PRORP: variants seen among roughly 807,000 people sequenced by gnomAD.
PRORP encodes the protein mitochondrial ribonuclease P catalytic subunit.
Under a neutral mutation model 59.4 loss-of-function variants are expected in PRORP, and 51 were observed. That is an observed-to-expected ratio of 0.86 (90% CI 0.69 to 1.08). The LOEUF is 1.08. Among genes scored for constraint, PRORP ranks in the 50% least tolerant of loss-of-function variants. The pLI is 0.00. For missense variants in PRORP, 646 were observed against 690.3 expected (o/e 0.94, Z 0.72); for synonymous variants, 231 against 245.6 (o/e 0.94, Z 0.55).
intron 5 of PRORP, among the ~76,000 whole-genome samples, chr14:35,234,632 A>G (rs1321807433): frequency 6.8e-6 from 1 of 147,756 alleles, no homozygotes; most frequent in Non-Finnish European, 1.5e-5. Context: ...TTCAAATGTG[A>G]TTAACTCTCT....
At chr14:35,257,998 AGCTCAGGAACT>A (rs2050801640) in intron 5 of PRORP, among the ~76,000 whole-genome samples, 1 of 152,092 alleles carries the variant, frequency 6.6e-6, no homozygotes, top group South Asian at 2.1e-4. Flanking sequence ...TTTTACCCTA[AGCTCAGGAACT>A]ACTTTTCATC....
chr14:35,270,956 G>A (rs1319576322), intron 7 of PRORP, among the ~76,000 whole-genome samples: 2 of 151,362 alleles, frequency 1.3e-5, no homozygotes, highest in Admixed American at 6.6e-5. Flanking sequence ...GCGTGGTGGC[G>A]GGTGCCTGTA....
chr14:35,121,979 G>A, upstream of PRORP: 1 of 1,614,096 alleles, frequency 6.2e-7, no homozygotes, highest in Non-Finnish European at 8.5e-7. Flanking sequence ...CCGCGCAGCA[G>A]CTTCTGCATT....
intron 5 of PRORP, among the ~76,000 whole-genome samples, chr14:35,195,411 A>G (rs9919891): frequency 0.59 from 89,455 of 151,798 alleles, 26,512 homozygotes; most frequent in East Asian, 0.69. Flanking sequence ...AAAACAAAAT[A>G]TACAGGATGA....
At chr14:35,267,317 T>C (rs375104656) in intron 6 of PRORP, among the ~76,000 whole-genome samples, 5 of 152,148 alleles carry the variant, frequency 3.3e-5, no homozygotes, top group Admixed American at 2.0e-4. Flanking sequence ...AGGCAGTGAT[T>C]AGTACTATGG....
intron 4 of PRORP, among the ~76,000 whole-genome samples, chr14:35,137,176 T>C (rs2047394316): frequency 6.9e-6 from 1 of 145,426 alleles, no homozygotes; most frequent in Non-Finnish European, 1.5e-5. Context: ...ATTAGAAAGA[T>C]GATATAGTGG....
At chr14:35,255,410 A>G (rs1274174804) in intron 5 of PRORP, among the ~76,000 whole-genome samples, 2 of 152,298 alleles carry the variant, frequency 1.3e-5, no homozygotes, top group East Asian at 3.9e-4. Context: ...GATTACAGGC[A>G]TGAGCCACCA....
intron 4 of PRORP, among the ~76,000 whole-genome samples, chr14:35,129,129 A>G (rs1474642790): frequency 6.6e-6 from 1 of 151,858 alleles, no homozygotes; most frequent in African/African-American, 2.4e-5. Flanking sequence ...AATCGCTTGA[A>G]CCCAGGAGGC....
rs182966589 is a variant in PRORP, at chr14:35,262,399, C to T, written c.1276-4328C>T. On this transcript the variant is annotated intron_variant, in intron 5 of 7. Coordinates refer to ENST00000534898, the MANE Select transcript of PRORP (RefSeq NM_014672.4). ...ATTACTAGCCCAACTTTTAAAATAGCTTATAAGATTATGTTTAAAAATACA... is the reference window on the plus strand; with the variant it reads ...ATTACTAGCCCAACTTTTAAAATAGTTTATAAGATTATGTTTAAAAATACA... 72 of 346,974 alleles carry T rather than the reference C, an allele frequency of 2.1e-4. 1 individual carries two copies. The highest frequency in any genetic ancestry group is 1.4e-3 in the African/African-American group (66 of 46,900). The allele number at this position is 346,974 out of a possible 1,614,324, so 21.5% of individuals were successfully genotyped here.
chr14:35,138,829 C>T (rs939545133), intron 4 of PRORP, among the ~76,000 whole-genome samples: 1 of 144,048 alleles, frequency 6.9e-6, no homozygotes, highest in Non-Finnish European at 1.5e-5. Flanking sequence ...CTCCCTCTGT[C>T]GCTCAGGCTG....
chr14:35,140,668 A>G (rs1245184836), intron 4 of PRORP, among the ~76,000 whole-genome samples: 2 of 145,434 alleles, frequency 1.4e-5, no homozygotes, highest in African/African-American at 4.9e-5. Flanking sequence ...ATTCTGATTT[A>G]ATTGCTTTGG....
At chr14:35,236,467 G>A (rs2050217623) in intron 5 of PRORP, among the ~76,000 whole-genome samples, 1 of 152,284 alleles carries the variant, frequency 6.6e-6, no homozygotes, top group Admixed American at 6.5e-5. Flanking sequence ...TAAGCCCACT[G>A]AAGTCTGGCT....
intron 4 of PRORP, among the ~76,000 whole-genome samples, chr14:35,149,221 A>G (rs959224463): frequency 1.8e-4 from 27 of 146,528 alleles, no homozygotes; most frequent in African/African-American, 6.8e-4. Context: ...GCCCGGCCTA[A>G]TTTTTTTTTT....
intron 5 of PRORP, among the ~76,000 whole-genome samples, chr14:35,250,484 A>G (rs2050587981): frequency 6.6e-6 from 1 of 152,196 alleles, no homozygotes; most frequent in Non-Finnish European, 1.5e-5. Flanking sequence ...TACACATAGA[A>G]TAATAAGATC....
intron 7 of PRORP, among the ~76,000 whole-genome samples, chr14:35,272,044 C>A (rs2051205681): frequency 7.0e-6 from 1 of 143,880 alleles, no homozygotes. Flanking sequence ...CAAAAAAAAA[C>A]AACAAAAAAA....
At chr14:35,230,056 T>TTTTTTTTTG in intron 5 of PRORP, among the ~76,000 whole-genome samples, 1 of 148,874 alleles carries the variant, frequency 6.7e-6, no homozygotes, top group African/African-American at 2.5e-5. Flanking sequence ...AATTCTTTTT[T>TTTTTTTTTG]TTTTTTTTTT....
At chr14:35,202,617 T>C (rs1293321045) in intron 5 of PRORP, among the ~76,000 whole-genome samples, 5 of 152,106 alleles carry the variant, frequency 3.3e-5, no homozygotes, top group Non-Finnish European at 7.4e-5. Context: ...GTTTTTTGTT[T>C]AGTTGGTTAG....
chr14:35,209,976 T>A (rs2049396942), intron 5 of PRORP, among the ~76,000 whole-genome samples: 1 of 152,160 alleles, frequency 6.6e-6, no homozygotes, highest in African/African-American at 2.4e-5. Flanking sequence ...TAGAGCACTC[T>A]CTCTAAATGA....
intron 5 of PRORP, among the ~76,000 whole-genome samples, chr14:35,234,478 G>C (rs1462068072): frequency 6.6e-6 from 1 of 152,074 alleles, no homozygotes. Context: ...CATCTCTGCT[G>C]CAAATGTCAT....
Sources: allele counts gnomAD v4.1 joint callset (sites outside exome capture counted in the v4.1 genomes callset), GRCh38; gene constraint gnomAD v4.1.1; transcripts MANE v1.5; gene names NCBI Gene and HGNC (gene_info 2026-07-23, HGNC 2026-07-21).